SPAG16: variants seen among roughly 807,000 people sequenced by gnomAD.
SPAG16 encodes the protein sperm-associated antigen 16 protein.
A neutral mutation model predicts 80.4 loss-of-function variants in SPAG16; 86 were observed. The observed-to-expected ratio is 1.07, with a 90% CI of 0.90 to 1.28. The LOEUF (loss-of-function observed/expected upper bound fraction) is 1.28. Among genes scored for constraint, SPAG16 ranks in the 50% most tolerant of loss-of-function variants. The pLI is 0.00. For missense variants in SPAG16, 870 were observed against 765.3 expected (o/e 1.14, Z -1.61); for synonymous variants, 294 against 265.9 (o/e 1.11, Z -1.03).
intron 13 of SPAG16, among the ~76,000 whole-genome samples, chr2:214,054,376 A>G (rs572561710): frequency 6.6e-6 from 1 of 152,166 alleles, no homozygotes; most frequent in Non-Finnish European, 1.5e-5. Flanking sequence ...AGTAACAATT[A>G]AAATCTCAGA....
chr2:214,212,462 G>T (rs147106540), intron 15 of SPAG16, among the ~76,000 whole-genome samples: 2 of 152,142 alleles, frequency 1.3e-5, no homozygotes, highest in Non-Finnish European at 1.5e-5. Flanking sequence ...CACAGAACTT[G>T]GCACTACCTG....
At chr2:213,824,238 T>C (rs2073130787) in intron 10 of SPAG16, among the ~76,000 whole-genome samples, 1 of 152,212 alleles carries the variant, frequency 6.6e-6, no homozygotes, top group Non-Finnish European at 1.5e-5. Flanking sequence ...TGTGGTGTTA[T>C]TTCTGAGGTC....
chr2:213,313,749 A>G lies in SPAG16; in HGVS notation c.399-3470A>G, dbSNP rs541810570. Among the ~76,000 whole-genome samples, 56 of 152,034 alleles carry G rather than the reference A, an allele frequency of 3.7e-4. No homozygotes were observed. In the South Asian group the frequency reaches 6.0e-3, roughly 16 times the overall value. ...TATTGGTTTGAGGAATCTTGGGGCCAGTAATAAACATGTCAGCCATGCTAT... is the reference window on the plus strand; with the variant it reads ...TATTGGTTTGAGGAATCTTGGGGCCGGTAATAAACATGTCAGCCATGCTAT... On this transcript the variant is annotated intron_variant, in intron 4 of 15. Transcript: ENST00000331683.
At chr2:214,406,891 G>C (rs1367734194) in intron 15 of SPAG16, among the ~76,000 whole-genome samples, 1 of 151,952 alleles carries the variant, frequency 6.6e-6, no homozygotes, top group Admixed American at 6.6e-5. Context: ...AATAAGTATT[G>C]ATTATATATT....
intron 2 of SPAG16, chr2:213,296,917 GA>G (rs1169283199): frequency 2.6e-5 from 11 of 428,622 alleles, no homozygotes; most frequent in Non-Finnish European, 4.1e-5. Flanking sequence ...TAGTAGTTCT[GA>G]AAAAGTGATG....
chr2:214,096,065 G>T (rs2052566544), intron 13 of SPAG16, among the ~76,000 whole-genome samples: 1 of 151,876 alleles, frequency 6.6e-6, no homozygotes, highest in Admixed American at 6.6e-5. Context: ...AATAGAAAAA[G>T]AAGTATTTAA....
At chr2:213,656,235 G>A (rs1400757116) in intron 10 of SPAG16, among the ~76,000 whole-genome samples, 3 of 152,126 alleles carry the variant, frequency 2.0e-5, no homozygotes, top group Non-Finnish European at 4.4e-5. Flanking sequence ...TCGCTCTGTC[G>A]CCCAGGCGAC....
chr2:213,320,661 A>C (rs769189406), intron 5 of SPAG16, among the ~76,000 whole-genome samples: 4 of 151,958 alleles, frequency 2.6e-5, no homozygotes, highest in Admixed American at 2.6e-4. Context: ...AGGACACGCA[A>C]TATTTGTCTT....
intron 13 of SPAG16, among the ~76,000 whole-genome samples, chr2:214,094,010 A>G (rs2052409698): frequency 6.6e-6 from 1 of 152,090 alleles, no homozygotes; most frequent in Non-Finnish European, 1.5e-5. Context: ...GAACGACCAT[A>G]TCACCTGGGA....
intron 15 of SPAG16, among the ~76,000 whole-genome samples, chr2:214,151,089 T>C (rs2055953138): frequency 6.6e-6 from 1 of 152,074 alleles, no homozygotes; most frequent in African/African-American, 2.4e-5. Context: ...TTCCCATCCC[T>C]TTGACCATTT....
At chr2:214,092,927 T>G (rs1211824772) in intron 13 of SPAG16, among the ~76,000 whole-genome samples, 1 of 152,098 alleles carries the variant, frequency 6.6e-6, no homozygotes, top group Non-Finnish European at 1.5e-5. Context: ...AGCAGCTCTT[T>G]TTATGGCAGC....
At chr2:213,773,270 G>A (rs1298966284) in intron 10 of SPAG16, among the ~76,000 whole-genome samples, 1 of 152,090 alleles carries the variant, frequency 6.6e-6, no homozygotes, top group African/African-American at 2.4e-5. Flanking sequence ...TTCCCACAAG[G>A]CATTCACACA....
intron 10 of SPAG16, among the ~76,000 whole-genome samples, chr2:213,680,614 A>G (rs1274323098): frequency 6.6e-6 from 1 of 152,070 alleles, no homozygotes; most frequent in African/African-American, 2.4e-5. Flanking sequence ...CATCCTTGCA[A>G]GTAGGGAGCT....
chr2:213,909,314 A>G (rs1419026030), intron 11 of SPAG16, among the ~76,000 whole-genome samples: 1 of 152,158 alleles, frequency 6.6e-6, no homozygotes, highest in Admixed American at 6.5e-5. Context: ...AAGGTAATTT[A>G]TAGATTCAAT....
intron 10 of SPAG16, among the ~76,000 whole-genome samples, chr2:213,752,810 T>C (rs1208968720): frequency 2.0e-5 from 3 of 152,192 alleles, no homozygotes; most frequent in Non-Finnish European, 1.5e-5. Context: ...TTAGGAAGAC[T>C]ATCAATTTGT....
At chr2:213,668,553 A>G (rs181414462) in intron 10 of SPAG16, among the ~76,000 whole-genome samples, 1 of 152,282 alleles carries the variant, frequency 6.6e-6, no homozygotes, top group East Asian at 1.9e-4. Flanking sequence ...TATGTAATTA[A>G]TATTTAGCAC....
intron 10 of SPAG16, among the ~76,000 whole-genome samples, chr2:213,794,223 TAAA>T (rs2125617933): frequency 6.6e-6 from 1 of 152,246 alleles, no homozygotes; most frequent in Non-Finnish European, 1.5e-5. Context: ...GAATTTGAAA[TAAA>T]AATTATTTTA....
intron 10 of SPAG16, among the ~76,000 whole-genome samples, chr2:213,804,471 C>T (rs1263595192): frequency 2.6e-5 from 4 of 152,164 alleles, no homozygotes; most frequent in Non-Finnish European, 5.9e-5. Flanking sequence ...ATCACAAGGT[C>T]AAGAGATCGA....
intron 12 of SPAG16, among the ~76,000 whole-genome samples, chr2:213,993,642 G>A (rs76405849): frequency 0.021 from 3,202 of 152,156 alleles, 119 homozygotes; most frequent in African/African-American, 0.073. Context: ...TGCTTAATAG[G>A]AAAACGGTGT....
Sources: allele counts gnomAD v4.1 joint callset (sites outside exome capture counted in the v4.1 genomes callset), GRCh38; gene constraint gnomAD v4.1.1; transcripts MANE v1.5; gene names NCBI Gene and HGNC (gene_info 2026-07-23, HGNC 2026-07-21).